The following ENOX2 variants were observed in gnomAD, a reference collection of about 807,000 sequenced individuals.
The protein encoded by ENOX2 is ecto-NOX disulfide-thiol exchanger 2, also known as APK1 antigen.
A neutral mutation model predicts 45.0 loss-of-function variants in ENOX2; 36 were observed. That is an observed-to-expected ratio of 0.80 (90% confidence interval 0.61 to 1.06). ENOX2 has a LOEUF of 1.06. Among genes scored for constraint, ENOX2 ranks in the 50% least tolerant of loss-of-function variants. The pLI is 0.00. For synonymous variants in ENOX2, 174 were observed against 152.3 expected, an observed-to-expected ratio of 1.14 and a Z score of -1.05; for missense variants, 423 against 462.5, an observed-to-expected ratio of 0.91 and a Z score of 0.78.
At chrX:130,779,602 T>C (rs1251306177) in intron 3 of ENOX2, among the ~76,000 whole-genome samples, 1 of 111,652 alleles carries the variant, frequency 9.0e-6, no homozygotes, top group Non-Finnish European at 1.9e-5. Flanking sequence ...AGCTGTCAGT[T>C]GGTCAAATTC....
chrX:130,771,953 C>T (rs2039750551), intron 3 of ENOX2, among the ~76,000 whole-genome samples: 1 of 111,807 alleles, frequency 8.9e-6, no homozygotes, highest in South Asian at 3.8e-4. Flanking sequence ...TACTAGTGTG[C>T]CAAGTCCTAA....
intron 2 of ENOX2, among the ~76,000 whole-genome samples, chrX:130,800,824 A>G (rs2077205130): frequency 8.9e-6 from 1 of 112,355 alleles, no homozygotes; most frequent in Non-Finnish European, 1.9e-5. Flanking sequence ...CAGTAAAGCA[A>G]AGCTTCTAAT....
chrX:130,822,024 C>T (rs1213573753), intron 2 of ENOX2, among the ~76,000 whole-genome samples: 4 of 96,317 alleles, frequency 4.2e-5, no homozygotes, highest in Non-Finnish European at 8.1e-5. Flanking sequence ...GCCGAGATCG[C>T]ACCACTGCAC....
chrX:130,793,271 G>A (rs1440474586), intron 2 of ENOX2, among the ~76,000 whole-genome samples: 1 of 112,707 alleles, frequency 8.9e-6, no homozygotes, highest in Non-Finnish European at 1.9e-5. Flanking sequence ...CATTTGAGTA[G>A]TGTGGCTCCT....
At position 130,670,165 on chromosome X, in the gene ENOX2, T is replaced by C. The variant is rs758480830; in HGVS notation, c.494A>G (p.Lys165Arg). The change falls in exon 7 of 15, where the codon AAG becomes AGG. Residue 165 changes from lysine to arginine, a missense_variant. Transcript: ENST00000394363. ...YRIRLGSSTD[K>R]KDTGRLHVDF... The stretch of plus-strand genomic sequence containing the variant: ...AACGTGGAGTCTGCCTGTGTCCTTC[T>C]TGTCAGTACTAGAGCCCAGGCGAAT... The C allele has an allele frequency of 8.3e-7, 1 of 1,210,602 alleles. No homozygotes were observed. Among genetic ancestry groups the C allele is most frequent in the East Asian group, 3.0e-5 (1 of 33,825 alleles).
At chrX:130,642,100 G>C (rs991834255) in intron 10 of ENOX2, among the ~76,000 whole-genome samples, 1 of 112,339 alleles carries the variant, frequency 8.9e-6, no homozygotes, top group African/African-American at 3.2e-5. Context: ...TGATGGATCT[G>C]TGTAAAGTAG....
At chrX:130,750,724 T>G (rs990566494) in intron 3 of ENOX2, among the ~76,000 whole-genome samples, 6 of 111,335 alleles carry the variant, frequency 5.4e-5, no homozygotes, top group African/African-American at 2.0e-4. Context: ...CGTTTTTCTC[T>G]TGTCAATCTG....
chrX:130,690,831 A>T (rs1356313084), intron 4 of ENOX2, among the ~76,000 whole-genome samples: 1 of 111,312 alleles, frequency 9.0e-6, no homozygotes, highest in Non-Finnish European at 1.9e-5. Flanking sequence ...GCACATGGAC[A>T]TCCCCTGTTA....
intron 2 of ENOX2, among the ~76,000 whole-genome samples, chrX:130,861,651 G>C (rs2078411196): frequency 9.0e-6 from 1 of 111,658 alleles, no homozygotes; most frequent in Non-Finnish European, 1.9e-5. Context: ...GAAGGTATTA[G>C]TCAAAGGGTA....
At chrX:130,719,150 CGTTTCCAT>C (rs2038406308) in intron 3 of ENOX2, among the ~76,000 whole-genome samples, 1 of 111,338 alleles carries the variant, frequency 9.0e-6, no homozygotes, top group Non-Finnish European at 1.9e-5. Context: ...TGGACAGCCA[CGTTTCCAT>C]TCTGCAAACG....
intron 3 of ENOX2, among the ~76,000 whole-genome samples, chrX:130,740,754 G>A (rs779027441): frequency 2.7e-5 from 3 of 111,905 alleles, no homozygotes; most frequent in Non-Finnish European, 5.6e-5. Context: ...GTGCTCAAAG[G>A]GCTGTCTGCC....
chrX:130,665,740 A>G lies in ENOX2; in HGVS notation c.917T>C (p.Ile306Thr). 1 of 1,184,903 alleles carries G rather than the reference A, an allele frequency of 8.4e-7. No homozygotes were observed. The highest frequency in any genetic ancestry group is 1.1e-6 in the Non-Finnish European group (1 of 874,298). ...GGAGGCGGAATGGTACACAGCCACT[A>G]TCTGCTCAACTGCAGCATCAAATCA... ...LSGILIQFEQ[I>T]VAVYHSASKQ... The change falls in exon 9 of 15, where the codon ATA (isoleucine) becomes ACA (threonine). Residue 306 changes from isoleucine (I) to threonine (T), a missense_variant. Transcript: ENST00000394363.
chrX:130,876,228 T>C (rs2078699437), intron 2 of ENOX2, among the ~76,000 whole-genome samples: 1 of 112,118 alleles, frequency 8.9e-6, no homozygotes, highest in Admixed American at 9.4e-5. Context: ...ATAAACAAAA[T>C]GTGCTATGTC....
At chrX:130,661,727 G>C (rs1449124715) in intron 9 of ENOX2, among the ~76,000 whole-genome samples, 9 of 112,417 alleles carry the variant, frequency 8.0e-5, no homozygotes, top group Non-Finnish European at 1.7e-4. Flanking sequence ...ATGGCTGAAG[G>C]CCAACAGCCG....
chrX:130,897,984 T>C (rs1219388638), intron 2 of ENOX2, among the ~76,000 whole-genome samples: 1 of 110,909 alleles, frequency 9.0e-6, no homozygotes, highest in East Asian at 2.8e-4. Context: ...AAGACAATGG[T>C]GGACACCGGG....
intron 2 of ENOX2, among the ~76,000 whole-genome samples, chrX:130,826,842 G>C (rs2077728571): frequency 8.9e-6 from 1 of 111,738 alleles, no homozygotes; most frequent in African/African-American, 3.2e-5. Flanking sequence ...ACATAGACCA[G>C]TGGTTTCTGA....
intron 2 of ENOX2, among the ~76,000 whole-genome samples, chrX:130,876,679 C>T (rs997595102): frequency 9.0e-6 from 1 of 111,334 alleles, no homozygotes; most frequent in African/African-American, 3.3e-5. Flanking sequence ...TGATTGTTTT[C>T]CAGCATTTGA....
intron 10 of ENOX2, among the ~76,000 whole-genome samples, chrX:130,653,524 C>G (rs776179051): frequency 1.9e-4 from 21 of 111,108 alleles, no homozygotes; most frequent in African/African-American, 6.5e-4. Flanking sequence ...TTCCCCCCAC[C>G]ATCAAGATGC....
intron 3 of ENOX2, among the ~76,000 whole-genome samples, chrX:130,734,949 T>C (rs138826757): frequency 9.1e-4 from 102 of 112,391 alleles, no homozygotes; most frequent in African/African-American, 3.0e-3. Flanking sequence ...TCCTTGGGGT[T>C]AGGTGAACAT....
Sources: gnomAD v4.1 joint callset for allele counts (sites outside exome capture counted in the v4.1 genomes callset) on GRCh38, gnomAD v4.1.1 for gene constraint, MANE v1.5 for transcripts, NCBI Gene and HGNC (gene_info 2026-07-23, HGNC 2026-07-21) for gene names.